Variants in UTRN observed in about 807,000 individuals in gnomAD.
UTRN encodes utrophin.
Under a neutral mutation model 463.9 loss-of-function variants are expected in UTRN, and 283 were observed. The ratio of observed to expected loss-of-function variants is 0.61; its 90% CI spans 0.55 to 0.67. UTRN has a LOEUF of 0.67. Ranked by LOEUF, UTRN falls within the 30% of genes least tolerant of loss-of-function variation. The pLI, the probability that UTRN is intolerant of heterozygous loss-of-function variation, is 0.00. For synonymous variants in UTRN, 1,442 were observed against 1,431.5 expected, an observed-to-expected ratio of 1.01 and a Z score of -0.17; for missense variants, 3,922 against 4,084.3, an observed-to-expected ratio of 0.96 and a Z score of 1.08.
chr6:144,384,968 G>A (rs1265564598), intron 2 of UTRN, among the ~76,000 whole-genome samples: 1 of 151,986 alleles, frequency 6.6e-6, no homozygotes, highest in Non-Finnish European at 1.5e-5. Context: ...CATAACCCTA[G>A]GTAATGGTAG....
chr6:144,348,037 G>C (rs1032159247), intron 2 of UTRN, among the ~76,000 whole-genome samples: 2 of 151,776 alleles, frequency 1.3e-5, no homozygotes, highest in Non-Finnish European at 2.9e-5. Flanking sequence ...TGTAGAGATG[G>C]GATCTCACTA....
chr6:144,348,737 C>A (rs1049824599), intron 2 of UTRN, among the ~76,000 whole-genome samples: 12 of 152,078 alleles, frequency 7.9e-5, no homozygotes, highest in Non-Finnish European at 5.9e-5. Context: ...GAGTTCAAGA[C>A]CAGCCTGACC....
chr6:144,438,176 G>T (rs1469708407), intron 11 of UTRN, among the ~76,000 whole-genome samples: 2 of 152,150 alleles, frequency 1.3e-5, no homozygotes, highest in Non-Finnish European at 2.9e-5. Context: ...TGAGGTATGA[G>T]GATCGCTTGA....
chr6:144,615,885 C>T (rs1806030043), intron 51 of UTRN, among the ~76,000 whole-genome samples: 1 of 152,120 alleles, frequency 6.6e-6, no homozygotes, highest in South Asian at 2.1e-4. Context: ...AAAATCTAAA[C>T]CCCTTACGCT....
intron 2 of UTRN, among the ~76,000 whole-genome samples, chr6:144,396,084 T>C (rs768009825): frequency 6.6e-6 from 1 of 152,306 alleles, no homozygotes; most frequent in Non-Finnish European, 1.5e-5. Flanking sequence ...ACACCAGTGT[T>C]CATTGTGACA....
At chr6:144,775,970 G>A (rs559390995) in intron 60 of UTRN, among the ~76,000 whole-genome samples, 1 of 152,124 alleles carries the variant, frequency 6.6e-6, no homozygotes, top group Non-Finnish European at 1.5e-5. Context: ...ACAACTAAAT[G>A]ACAGTTAGAA....
chr6:144,589,623 G>T lies in UTRN; in HGVS notation c.7479+12335G>T, dbSNP rs112110323. 1.1e-4 allele frequency among the ~76,000 whole-genome samples: 17 copies of T among 152,264 alleles called. 1 individual carries two copies. Among genetic ancestry groups the T allele is most frequent in the African/African-American group, 4.1e-4 (17 of 41,548 alleles). The stretch of plus-strand genomic sequence containing the variant: ...TAGAAAGAGAGATTACATTAACTAA[G>T]TAATAGATATTGTTTTGTTCTGAAT... On this transcript the variant is annotated intron_variant, in intron 51 of 74. Transcript: ENST00000367545.
At chr6:144,294,156 G>GT (rs1245776590) in intron 2 of UTRN, among the ~76,000 whole-genome samples, 2 of 151,902 alleles carry the variant, frequency 1.3e-5, no homozygotes, top group Non-Finnish European at 2.9e-5. Flanking sequence ...TGCTTAGAGT[G>GT]TTTAGATGCC....
At chr6:144,292,679 T>A (rs140760807) in intron 2 of UTRN, among the ~76,000 whole-genome samples, 1 of 152,254 alleles carries the variant, frequency 6.6e-6, no homozygotes, top group African/African-American at 2.4e-5. Flanking sequence ...GCAGAACACT[T>A]CTCAGCCTTG....
chr6:144,360,699 T>C (rs527891549), intron 2 of UTRN, among the ~76,000 whole-genome samples: 17 of 152,352 alleles, frequency 1.1e-4, no homozygotes, highest in African/African-American at 4.1e-4. Flanking sequence ...GTAGTATAAA[T>C]TCTCCAGCTC....
At chr6:144,530,790 A>ATG (rs1324844836) in intron 41 of UTRN, among the ~76,000 whole-genome samples, 2 of 151,722 alleles carry the variant, frequency 1.3e-5, no homozygotes, top group African/African-American at 4.8e-5. Flanking sequence ...GTGAGTGTGC[A>ATG]TGTGTGTGTG....
intron 42 of UTRN, 109 bp downstream of exon 42, chr6:144,531,311 G>A: frequency 8.8e-7 from 1 of 1,134,934 alleles, no homozygotes; most frequent in Non-Finnish European, 1.1e-6. Context: ...AGAAGTCAAT[G>A]GACAATTTGT....
intron 33 of UTRN, among the ~76,000 whole-genome samples, chr6:144,496,677 T>C (rs543647110): frequency 6.6e-6 from 1 of 152,154 alleles, no homozygotes; most frequent in East Asian, 1.9e-4. Context: ...GAACTTAGGG[T>C]AGTGAAAGAG....
chr6:144,326,076 A>G (rs1775954700), intron 2 of UTRN, among the ~76,000 whole-genome samples: 1 of 152,206 alleles, frequency 6.6e-6, no homozygotes, highest in South Asian at 2.1e-4. Context: ...GTCAGAAGAA[A>G]CAGATAACAG....
chr6:144,411,198 T>G (rs1198413071), intron 3 of UTRN, among the ~76,000 whole-genome samples: 1 of 152,240 alleles, frequency 6.6e-6, no homozygotes, highest in Admixed American at 6.5e-5. Flanking sequence ...CGTTCCCTTT[T>G]CACTGCATCC....
At chr6:144,348,920 G>A (rs753429193) in intron 2 of UTRN, among the ~76,000 whole-genome samples, 18 of 151,482 alleles carry the variant, frequency 1.2e-4, no homozygotes, top group Non-Finnish European at 2.1e-4. Flanking sequence ...GGCAACAAGA[G>A]CGAAACTCCA....
chr6:144,838,354 T>C (rs1270388350), intron 71 of UTRN, among the ~76,000 whole-genome samples: 2 of 151,942 alleles, frequency 1.3e-5, no homozygotes, highest in South Asian at 2.1e-4. Context: ...TTTAGGATGA[T>C]GAATGCTAGA....
intron 58 of UTRN, among the ~76,000 whole-genome samples, chr6:144,760,439 G>C (rs1433737149): frequency 6.6e-6 from 1 of 152,124 alleles, no homozygotes. Flanking sequence ...TGTAGTTTTA[G>C]TGTTAAATGT....
chr6:144,606,845 A>G lies in UTRN; in HGVS notation c.7479+29557A>G, dbSNP rs557082929. On this transcript the variant is annotated intron_variant, in intron 51 of 74. Coordinates refer to ENST00000367545, the MANE Select transcript of UTRN (RefSeq NM_007124.3). ...TTAAAAATTTAGTGAAGTGTAAGTC[A>G]ATTAGAATAATTTTACAGGTGACCT... is the stretch of plus-strand genomic sequence containing the variant. Among the ~76,000 whole-genome samples, 4 of 152,314 alleles carry G rather than the reference A, an allele frequency of 2.6e-5. 1 individual carries two copies. The South Asian group carries it at 8.3e-4, about 32-fold the overall frequency.
Sources: gnomAD v4.1 joint callset for allele counts (sites outside exome capture counted in the v4.1 genomes callset) on GRCh38, gnomAD v4.1.1 for gene constraint, MANE v1.5 for transcripts, NCBI Gene and HGNC (gene_info 2026-07-23, HGNC 2026-07-21) for gene names.